The following ZMYM6 variants were observed in gnomAD, a reference collection of about 807,000 sequenced individuals.
The protein encoded by ZMYM6 is zinc finger MYM-type protein 6.
In ZMYM6, 90 loss-of-function variants were observed where a neutral mutation model predicts 134.0. That is an observed-to-expected ratio of 0.67 (90% CI 0.57 to 0.80). ZMYM6 has a LOEUF of 0.80. Among genes scored for constraint, ZMYM6 ranks in the 30% least tolerant of loss-of-function variants. The pLI, the probability that ZMYM6 is intolerant of heterozygous loss-of-function variation, is 0.00. For missense variants in ZMYM6, 1,362 were observed against 1,533.9 expected (o/e 0.89, Z 1.87); for synonymous variants, 481 against 524.1 (o/e 0.92, Z 1.12).
chr1:34,997,079 G>A (rs1640797468), intron 14 of ZMYM6, among the ~76,000 whole-genome samples: 2 of 152,282 alleles, frequency 1.3e-5, no homozygotes, highest in Non-Finnish European at 2.9e-5. Context: ...AATTTTAACA[G>A]GTTCTACTAA....
chr1:35,014,936 T>TA lies in ZMYM6; in HGVS notation c.604-49dup, dbSNP rs201690811. 3.6e-5 allele frequency: 58 copies of TA among 1,601,232 alleles called. 1 individual carries two copies. Among genetic ancestry groups the TA allele is most frequent in the African/African-American group, 1.1e-4 (8 of 73,750 alleles). ...CACACACAAAATAAGCAGAGCCAGT[T>TA]AAAAAAAAATCTCTTTCAGCAGAAT... On this transcript the variant is annotated intron_variant, in intron 5 of 15. Transcript: ENST00000357182.
At chr1:34,994,899 C>A (rs569850250) in intron 14 of ZMYM6, among the ~76,000 whole-genome samples, 31 of 144,546 alleles carry the variant, frequency 2.1e-4, no homozygotes, top group Admixed American at 7.5e-4. Flanking sequence ...AGCCTATACA[C>A]ACATGTATAT....
At chr1:34,992,434 C>G (rs1479885167) in intron 14 of ZMYM6, 47 bp from the exon 15 acceptor site, 2 of 1,574,646 alleles carry the variant, frequency 1.3e-6, no homozygotes, top group Admixed American at 1.9e-5. Context: ...TTTTTTAGTA[C>G]CTTATCACTG....
intron 14 of ZMYM6, among the ~76,000 whole-genome samples, chr1:34,995,132 T>TATACACACACACAC (rs1553130011): frequency 6.8e-6 from 1 of 147,416 alleles, no homozygotes; most frequent in Admixed American, 6.9e-5. Flanking sequence ...CATATACATA[T>TATACACACACACAC]ATACACACAC....
In ZMYM6 at chr1:34,988,368, G is replaced by C. The variant is rs1640608765; in HGVS notation, c.2714C>G (p.Ser905Ter). The C allele has an allele frequency of 6.4e-7, 1 of 1,551,562 alleles. No homozygotes were observed. The highest frequency in any genetic ancestry group is 8.7e-7 in the Non-Finnish European group (1 of 1,146,944). The change falls in exon 16 of 16, where the codon TCA becomes TGA. Residue 905 changes from serine (S) to a stop codon, truncating the protein, a stop_gained. Transcript: ENST00000357182. LOFTEE classifies it high-confidence loss of function. ...EDQLIQKVRE[S>*]KWFALQIDES... is the part of the protein sequence containing the mutation. ...ATCTATCTGAAGGGCAAACCACTTTGACTCTCTGACCTTTTGAATCAGCTG... is the reference window on the plus strand; with the variant it reads ...ATCTATCTGAAGGGCAAACCACTTTCACTCTCTGACCTTTTGAATCAGCTG...
At chr1:35,024,927 G>A (rs547139857) in intron 2 of ZMYM6, among the ~76,000 whole-genome samples, 1 of 151,790 alleles carries the variant, frequency 6.6e-6, no homozygotes, top group African/African-American at 2.4e-5. Flanking sequence ...GGAGTGCAGT[G>A]GAGCAATCTC....
intron 14 of ZMYM6, among the ~76,000 whole-genome samples, chr1:35,000,380 G>A (rs1640859922): frequency 6.6e-6 from 1 of 151,816 alleles, no homozygotes; most frequent in Non-Finnish European, 1.5e-5. Flanking sequence ...GCTGGGACTA[G>A]AGGCACTTGC....
At chr1:35,007,578 ACT>A (rs1424671518) in intron 11 of ZMYM6, among the ~76,000 whole-genome samples, 1 of 150,688 alleles carries the variant, frequency 6.6e-6, no homozygotes, top group Non-Finnish European at 1.5e-5. Flanking sequence ...ACAGAGTAAG[ACT>A]CTGTCTCAAT....
intron 2 of ZMYM6, among the ~76,000 whole-genome samples, chr1:35,028,522 C>T (rs147671828): frequency 0.056 from 8,515 of 150,992 alleles, 709 homozygotes; most frequent in African/African-American, 0.19. Context: ...TTTTTTGAGA[C>T]GGAGTCTCAC....
At chr1:35,001,286 T>A (rs1372518706) in intron 14 of ZMYM6, among the ~76,000 whole-genome samples, 2 of 151,096 alleles carry the variant, frequency 1.3e-5, no homozygotes, top group East Asian at 3.9e-4. Flanking sequence ...TTTTTTTTTT[T>A]TCACATTGTA....
At chr1:35,009,176 G>A (rs1224320687) in intron 10 of ZMYM6, among the ~76,000 whole-genome samples, 2 of 152,172 alleles carry the variant, frequency 1.3e-5, no homozygotes, top group Non-Finnish European at 2.9e-5. Flanking sequence ...TCAGCTCACT[G>A]CAACCTCTGC....
At chr1:35,022,545 T>TCTTACAGTTAGTCAAAAGCAAGCAC (rs1641329816) in intron 2 of ZMYM6, among the ~76,000 whole-genome samples, 1 of 152,064 alleles carries the variant, frequency 6.6e-6, no homozygotes, top group African/African-American at 2.4e-5. Context: ...ATTACAGGCA[T>TCTTACAGTTAGTCAAAAGCAAGCAC]GAGCCACCGC....
intron 2 of ZMYM6, among the ~76,000 whole-genome samples, chr1:35,027,565 A>G (rs1051461337): frequency 6.6e-6 from 1 of 152,004 alleles, no homozygotes; most frequent in Non-Finnish European, 1.5e-5. Flanking sequence ...CCTGGGCAAC[A>G]TAAGGAGACC....
intron 4 of ZMYM6, among the ~76,000 whole-genome samples, chr1:35,016,282 G>C (rs1418035257): frequency 2.6e-5 from 4 of 152,130 alleles, no homozygotes; most frequent in Non-Finnish European, 5.9e-5. Flanking sequence ...AATTAAAAGT[G>C]CAAGATTTTG....
chr1:34,998,006 T>C (rs1259844921), intron 14 of ZMYM6, among the ~76,000 whole-genome samples: 1 of 152,150 alleles, frequency 6.6e-6, no homozygotes, highest in Non-Finnish European at 1.5e-5. Flanking sequence ...TTGGGCCAGG[T>C]GCTGTGGCTC....
In ZMYM6 at chr1:34,988,632, G is replaced by T. The variant is rs781499641; in HGVS notation, c.2450C>A (p.Ser817Tyr). 3.9e-6 allele frequency: 6 copies of T among 1,547,436 alleles called. No homozygotes were observed. The highest frequency in any genetic ancestry group is 4.9e-5 in the East Asian group (2 of 40,868). The part of the protein sequence containing the change: ...KSLEMECQNS[S>Y]LKKCLLVEKS... The stretch of plus-strand genomic sequence containing the variant: ...TTCAACTAGTAAACACTTTTTTAAA[G>T]AACTATTTTGACATTCCATTTCTAA... Residue 817 changes from serine to tyrosine, a missense_variant, in exon 16 of 16, where the codon TCT becomes TAT. Ser to Tyr is a moderately radical substitution (Grantham distance 144). This residue lies in a region of ZMYM6 where 824 missense variants were observed against 940.9 expected (regional missense o/e 0.88). Transcript: ENST00000357182.
rs1397722572 is a variant in ZMYM6, at chr1:34,992,712, AC to A, written c.1993-326del. ...TATAAAAATAAAAATATACTTATAA[AC>A]TATAAAAATAAAAATATACTTATAA... On this transcript the variant is annotated intron_variant, in intron 14 of 15. Transcript: ENST00000357182. Among the ~76,000 whole-genome samples, 223 of 117,532 alleles carry A rather than the reference AC, an allele frequency of 1.9e-3. 21 individuals carry two copies. The highest frequency in any genetic ancestry group is 9.6e-3 in the African/African-American group (203 of 21,150). The allele number at this position is 117,532 out of a possible 152,430, so 77.1% of individuals were successfully genotyped here.
chr1:34,988,236 G>A lies in ZMYM6; in HGVS notation c.2846C>T (p.Pro949Leu). ...KEELLFCIEM[P>L]TQITGFEIFE... The stretch of plus-strand genomic sequence containing the variant: ...TATTTCAAAGCCAGTTATTTGAGTA[G>A]GCATTTCAATGCAAAATAATAATTC... Residue 949 changes from proline to leucine, a missense_variant, in exon 16 of 16, where the codon CCT becomes CTT. Physicochemically the swap from Pro to Leu is moderately conservative, Grantham distance 98. Coordinates refer to ENST00000357182, the MANE Select transcript of ZMYM6 (RefSeq NM_007167.4). 6.5e-7 allele frequency: 1 copy of A among 1,549,678 alleles called. No individual in the cohort carries two copies. The highest frequency in any genetic ancestry group is 8.7e-7 in the Non-Finnish European group (1 of 1,146,116).
chr1:34,992,712 ACTATAAAAATAAAAATATACTTATAAAC>A (rs1557558358), intron 14 of ZMYM6, among the ~76,000 whole-genome samples: 13 of 117,740 alleles, frequency 1.1e-4, no homozygotes, highest in African/African-American at 2.8e-4. Flanking sequence ...ATACTTATAA[ACTATAAAAATAAAAATATACTTATAAAC>A]TATAAATATA....
Sources: gnomAD v4.1 joint callset for allele counts (sites outside exome capture counted in the v4.1 genomes callset) on GRCh38, gnomAD v4.1.1 for gene constraint, gnomAD v4.1.1 regional missense constraint, MANE v1.5 for transcripts, NCBI Gene and HGNC (gene_info 2026-07-23, HGNC 2026-07-21) for gene names.